Variants in GABBR2 observed in about 807,000 individuals in gnomAD.
GABBR2 encodes G-protein coupled receptor 51.
Under a neutral mutation model 105.6 loss-of-function variants are expected in GABBR2, and 23 were observed. That is an observed-to-expected ratio of 0.22 (90% confidence interval 0.16 to 0.31). The LOEUF (loss-of-function observed/expected upper bound fraction) is 0.31, where lower values mean the gene tolerates loss of function less well. GABBR2 is among the 10% of genes least tolerant of loss of function. GABBR2 has a pLI of 1.00. For missense variants in GABBR2, 734 were observed against 1,245.5 expected, an observed-to-expected ratio of 0.59 and a Z score of 6.18; for synonymous variants, 478 against 499.7, an observed-to-expected ratio of 0.96 and a Z score of 0.58.
intron 1 of GABBR2, among the ~76,000 whole-genome samples, chr9:98,586,307 GT>G (rs1406091488): frequency 5.7e-5 from 5 of 88,474 alleles, no homozygotes; most frequent in South Asian, 6.3e-4. Context: ...TTTTTTGTTT[GT>G]TTGTTTTTTT....
At chr9:98,326,144 G>A (rs564319315) in intron 13 of GABBR2, among the ~76,000 whole-genome samples, 6 of 152,220 alleles carry the variant, frequency 3.9e-5, no homozygotes, top group African/African-American at 1.4e-4. Flanking sequence ...CCAAAGGAAA[G>A]ATGGGGCCGG....
intron 16 of GABBR2, among the ~76,000 whole-genome samples, chr9:98,302,512 T>C (rs1830485780): frequency 6.6e-6 from 1 of 152,182 alleles, no homozygotes. Flanking sequence ...TGGGCCACTT[T>C]ATTTTGGGGC....
intron 13 of GABBR2, among the ~76,000 whole-genome samples, chr9:98,340,040 A>G (rs10818793): frequency 0.43 from 64,453 of 151,600 alleles, 14,180 homozygotes; most frequent in East Asian, 0.75. Flanking sequence ...CAAAGCTGGC[A>G]CACACTTTGC....
At chr9:98,340,987 T>C (rs573952777) in intron 13 of GABBR2, among the ~76,000 whole-genome samples, 1 of 152,384 alleles carries the variant, frequency 6.6e-6, no homozygotes, top group South Asian at 2.1e-4. Context: ...AAACAGCTCA[T>C]GCCCTGAAGA....
intron 1 of GABBR2, among the ~76,000 whole-genome samples, chr9:98,682,366 C>CTTCTT (rs1830561030): frequency 1.9e-5 from 1 of 52,224 alleles, no homozygotes; most frequent in African/African-American, 7.4e-5. Context: ...ATTTTACCAT[C>CTTCTT]TTTTTTTTTT....
intron 1 of GABBR2, among the ~76,000 whole-genome samples, chr9:98,610,864 C>G (rs1480365774): frequency 6.6e-6 from 1 of 152,108 alleles, no homozygotes; most frequent in Non-Finnish European, 1.5e-5. Flanking sequence ...ATACAAGGTG[C>G]CTCCTTAATC....
At chr9:98,317,804 G>A (rs1236916033) in intron 13 of GABBR2, among the ~76,000 whole-genome samples, 1 of 152,148 alleles carries the variant, frequency 6.6e-6, no homozygotes, top group African/African-American at 2.4e-5. Flanking sequence ...AGTGGAACGG[G>A]GGCTGCTCAA....
At chr9:98,524,770 G>T (rs1827928167) in intron 3 of GABBR2, among the ~76,000 whole-genome samples, 1 of 151,744 alleles carries the variant, frequency 6.6e-6, no homozygotes, top group Non-Finnish European at 1.5e-5. Flanking sequence ...CCTCTACTCG[G>T]TGGTGCCAAA....
intron 13 of GABBR2, among the ~76,000 whole-genome samples, chr9:98,359,373 C>T (rs7041466): frequency 0.029 from 4,408 of 152,008 alleles, 165 homozygotes; most frequent in East Asian, 0.15. Flanking sequence ...GGTTGAGCAG[C>T]GAGCCAAGAT....
chr9:98,681,770 A>AC (rs1157632073), intron 1 of GABBR2, among the ~76,000 whole-genome samples: 2 of 151,720 alleles, frequency 1.3e-5, no homozygotes, highest in Non-Finnish European at 2.9e-5. Context: ...ACAATAAAAA[A>AC]AAGAGTTAAA....
chr9:98,519,790 C>T (rs77012713), intron 3 of GABBR2, among the ~76,000 whole-genome samples: 5,812 of 150,128 alleles, frequency 0.039, 383 homozygotes, highest in African/African-American at 0.13. Context: ...TTCCCAACAA[C>T]GTTGCAAATG....
chr9:98,613,894 T>C (rs933468518), intron 1 of GABBR2, among the ~76,000 whole-genome samples: 1 of 152,228 alleles, frequency 6.6e-6, no homozygotes, highest in African/African-American at 2.4e-5. Flanking sequence ...TAGGAAAATG[T>C]GTTAGCAAAG....
intron 3 of GABBR2, among the ~76,000 whole-genome samples, chr9:98,529,284 A>C (rs1828019689): frequency 6.6e-6 from 1 of 152,254 alleles, no homozygotes; most frequent in Admixed American, 6.5e-5. Context: ...ACTGGAGGCA[A>C]ATACAATTCA....
At chr9:98,646,847 C>A (rs1329850654) in intron 1 of GABBR2, among the ~76,000 whole-genome samples, 1 of 152,176 alleles carries the variant, frequency 6.6e-6, no homozygotes, top group Non-Finnish European at 1.5e-5. Flanking sequence ...CTTGTCCCCA[C>A]AGGGCATCAA....
chr9:98,614,144 G>A (rs1242094652), intron 1 of GABBR2, among the ~76,000 whole-genome samples: 2 of 152,086 alleles, frequency 1.3e-5, no homozygotes, highest in African/African-American at 4.8e-5. Context: ...GGAAAAAGGG[G>A]GAGTGGCAGA....
intron 1 of GABBR2, among the ~76,000 whole-genome samples, chr9:98,646,236 T>C (rs1830027860): frequency 6.6e-6 from 1 of 152,196 alleles, no homozygotes; most frequent in Admixed American, 6.5e-5. Context: ...ACTAAACACC[T>C]GCTTTCCTTC....
At chr9:98,308,479 G>A (rs185481993) in intron 14 of GABBR2, among the ~76,000 whole-genome samples, 2 of 152,300 alleles carry the variant, frequency 1.3e-5, no homozygotes, top group African/African-American at 2.4e-5. Flanking sequence ...CCTGGAAACC[G>A]TGAATGTGAC....
intron 13 of GABBR2, among the ~76,000 whole-genome samples, chr9:98,361,380 T>TATC: frequency 6.6e-6 from 1 of 152,006 alleles, no homozygotes; most frequent in South Asian, 2.1e-4. Flanking sequence ...TCATCGCTCT[T>TATC]ATCATCGTTG....
chr9:98,610,899 G>A (rs559589988), intron 1 of GABBR2, among the ~76,000 whole-genome samples: 1 of 152,278 alleles, frequency 6.6e-6, no homozygotes, highest in South Asian at 2.1e-4. Context: ...AGCTGAGGCA[G>A]GAGAATTGCT....
Sources: gnomAD v4.1 joint callset for allele counts (sites outside exome capture counted in the v4.1 genomes callset) on GRCh38, gnomAD v4.1.1 for gene constraint, MANE v1.5 for transcripts, NCBI Gene and HGNC (gene_info 2026-07-23, HGNC 2026-07-21) for gene names.